The following ERC2 variants were observed in gnomAD, a reference collection of about 807,000 sequenced individuals.
ERC2 encodes the protein ELKS/RAB6-interacting/CAST family member 2, also known as ERC protein 2.
Under a neutral mutation model 114.8 loss-of-function variants are expected in ERC2, and 42 were observed. That is an observed-to-expected ratio of 0.37 (90% CI 0.29 to 0.47). ERC2 has a LOEUF of 0.47. Among genes scored for constraint, ERC2 ranks in the 20% least tolerant of loss-of-function variants. ERC2 has a pLI of 0.99. For missense variants in ERC2, 939 were observed against 1,150.7 expected, an observed-to-expected ratio of 0.82 and a Z score of 2.66; for synonymous variants, 454 against 425.5, an observed-to-expected ratio of 1.07 and a Z score of -0.82.
At chr3:55,761,411 T>C (rs967020000) in intron 14 of ERC2, among the ~76,000 whole-genome samples, 2 of 147,110 alleles carry the variant, frequency 1.4e-5, no homozygotes, top group African/African-American at 2.5e-5. Context: ...GTTTATCTGG[T>C]TTTTTTTTTT....
At chr3:55,575,177 G>C (rs907438328) in intron 17 of ERC2, among the ~76,000 whole-genome samples, 3 of 152,134 alleles carry the variant, frequency 2.0e-5, no homozygotes, top group Non-Finnish European at 2.9e-5. Flanking sequence ...ACTAAGCCCA[G>C]CTAATTTTTT....
chr3:56,320,563 G>T (rs549309007), intron 2 of ERC2, among the ~76,000 whole-genome samples: 2 of 152,208 alleles, frequency 1.3e-5, no homozygotes, highest in Non-Finnish European at 2.9e-5. Context: ...CATGGGAATT[G>T]GCAAACACTA....
intron 10 of ERC2, among the ~76,000 whole-genome samples, chr3:55,996,120 C>T (rs1007283771): frequency 1.3e-5 from 2 of 152,166 alleles, no homozygotes; most frequent in Non-Finnish European, 2.9e-5. Flanking sequence ...CTAATGCATT[C>T]AAGACATAAA....
chr3:56,403,712 G>A (rs1270784938), intron 2 of ERC2, among the ~76,000 whole-genome samples: 1 of 152,146 alleles, frequency 6.6e-6, no homozygotes, highest in Non-Finnish European at 1.5e-5. Flanking sequence ...AACATCTGAG[G>A]TCACTTATCA....
intron 12 of ERC2, among the ~76,000 whole-genome samples, chr3:55,966,522 T>C (rs1218777964): frequency 6.6e-6 from 1 of 152,192 alleles, no homozygotes; most frequent in Non-Finnish European, 1.5e-5. Context: ...ATGTTGTATA[T>C]ACACCTCATT....
intron 2 of ERC2, among the ~76,000 whole-genome samples, chr3:56,412,825 T>A (rs1413768968): frequency 6.6e-6 from 1 of 152,244 alleles, no homozygotes; most frequent in Non-Finnish European, 1.5e-5. Context: ...ATTACTATTA[T>A]TTTATTCTAA....
At chr3:56,011,468 G>A (rs2072929441) in intron 8 of ERC2, among the ~76,000 whole-genome samples, 1 of 152,050 alleles carries the variant, frequency 6.6e-6, no homozygotes, top group African/African-American at 2.4e-5. Context: ...ACACCCATGA[G>A]ACCACACTGC....
intron 14 of ERC2, among the ~76,000 whole-genome samples, chr3:55,747,590 C>A (rs963465317): frequency 1.3e-5 from 2 of 152,212 alleles, no homozygotes; most frequent in Admixed American, 1.3e-4. Flanking sequence ...ATGGTTAAAA[C>A]GCCACTATGA....
intron 3 of ERC2, among the ~76,000 whole-genome samples, chr3:56,179,575 G>A (rs2083176800): frequency 6.6e-6 from 1 of 152,048 alleles, no homozygotes; most frequent in African/African-American, 2.4e-5. Flanking sequence ...GCAGAGTGGA[G>A]GCAAGGAGAA....
At chr3:56,246,625 C>T (rs1168343333) in intron 3 of ERC2, among the ~76,000 whole-genome samples, 2 of 152,096 alleles carry the variant, frequency 1.3e-5, no homozygotes, top group Non-Finnish European at 2.9e-5. Context: ...TGTCTAAGGC[C>T]ACGCTGCTGC....
In ERC2 at chr3:55,951,712, A is replaced by T. The variant is rs1279894116; in HGVS notation, c.2268-1152T>A. Among the ~76,000 whole-genome samples, 3 of 152,108 alleles carry T rather than the reference A, an allele frequency of 2.0e-5. No individual in the cohort carries two copies. In the East Asian group the frequency reaches 5.8e-4, roughly 30 times the overall value. On this transcript the variant is annotated intron_variant, in intron 12 of 17. Transcript: ENST00000288221. ...GGGTCCTTTCGGATCCCTTTCCCCC[A>T]TACCACAGCATTGCCAGGTCAACCA...
At chr3:56,192,461 G>A (rs2047849272) in intron 3 of ERC2, among the ~76,000 whole-genome samples, 2 of 152,174 alleles carry the variant, frequency 1.3e-5, no homozygotes, top group Admixed American at 6.5e-5. Context: ...TAGTGTTCCA[G>A]AAGAAGTTTA....
At chr3:55,832,155 A>G (rs1158420809) in intron 14 of ERC2, among the ~76,000 whole-genome samples, 1 of 152,224 alleles carries the variant, frequency 6.6e-6, no homozygotes, top group African/African-American at 2.4e-5. Context: ...GCCTGCCTCT[A>G]TAGGCTCCAA....
chr3:56,268,675 T>C (rs1358955063), intron 3 of ERC2, among the ~76,000 whole-genome samples: 1 of 152,224 alleles, frequency 6.6e-6, no homozygotes, highest in African/African-American at 2.4e-5. Flanking sequence ...CTAACTGGTA[T>C]AAGTGACTTG....
intron 13 of ERC2, among the ~76,000 whole-genome samples, chr3:55,910,070 A>G (rs2064708954): frequency 6.6e-6 from 1 of 152,154 alleles, no homozygotes. Flanking sequence ...TGACTAGTCT[A>G]TAAGATAAAG....
At chr3:55,550,985 C>A (rs2055154587) in intron 17 of ERC2, among the ~76,000 whole-genome samples, 1 of 144,010 alleles carries the variant, frequency 6.9e-6, no homozygotes, top group African/African-American at 2.6e-5. Context: ...CACTGCACTC[C>A]AGCCTGGGTG....
chr3:56,426,673 A>T (rs2061581541), intron 2 of ERC2, among the ~76,000 whole-genome samples: 2 of 152,202 alleles, frequency 1.3e-5, no homozygotes. Flanking sequence ...AGCCCTGAAT[A>T]GCTGCTGTTC....
At chr3:55,746,879 G>A (rs1248718823) in intron 14 of ERC2, among the ~76,000 whole-genome samples, 1 of 152,166 alleles carries the variant, frequency 6.6e-6, no homozygotes, top group African/African-American at 2.4e-5. Context: ...ACCTAGAGGA[G>A]ACATTTTGGG....
chr3:55,931,866 A>G (rs1221975861), intron 13 of ERC2, among the ~76,000 whole-genome samples: 1 of 152,176 alleles, frequency 6.6e-6, no homozygotes, highest in African/African-American at 2.4e-5. Context: ...AAAGGTGTTC[A>G]TCTTATAAAA....
Sources: allele counts gnomAD v4.1 joint callset (sites outside exome capture counted in the v4.1 genomes callset), GRCh38; gene constraint gnomAD v4.1.1; transcripts MANE v1.5; gene names NCBI Gene and HGNC (gene_info 2026-07-23, HGNC 2026-07-21).